RNF122: variants seen among roughly 807,000 people sequenced by gnomAD.
RNF122 encodes ring finger protein 122.
A neutral mutation model predicts 24.2 loss-of-function variants in RNF122; 17 were observed. That is an observed-to-expected ratio of 0.70 (90% CI 0.48 to 1.06). The LOEUF (loss-of-function observed/expected upper bound fraction) is 1.06. RNF122 is among the 50% of genes least tolerant of loss of function. The pLI, the probability that RNF122 is intolerant of heterozygous loss-of-function variation, is 0.00. For missense variants in RNF122, 168 were observed against 198.1 expected, an observed-to-expected ratio of 0.85 and a Z score of 0.91; for synonymous variants, 65 against 71.8, an observed-to-expected ratio of 0.91 and a Z score of 0.48.
chr8:33,563,092 G>A (rs114075757), intron 1 of RNF122, among the ~76,000 whole-genome samples: 1,704 of 145,734 alleles, frequency 0.012, 28 homozygotes, highest in African/African-American at 0.042. Flanking sequence ...CAGCCTGGGC[G>A]ACAGAGTGAG....
chr8:33,557,711 C>T (rs951939986), intron 2 of RNF122, among the ~76,000 whole-genome samples: 5 of 152,044 alleles, frequency 3.3e-5, no homozygotes, highest in African/African-American at 7.2e-5. Context: ...TAAGAGAAAG[C>T]GTTCCTGGAG....
At position 33,550,892 on chromosome 8, in the gene RNF122, C is replaced by G. The variant is rs1462334082; in HGVS notation, c.270+152G>C. 4 of 733,006 alleles carry G rather than the reference C, an allele frequency of 5.5e-6. No individual in the cohort carries two copies. The African/African-American group carries it at 7.0e-5, about 13-fold the overall frequency. 45.4% of individuals were successfully genotyped at this position (733,006 alleles called of 1,614,324 possible). On this transcript the variant is annotated intron_variant, in intron 4 of 5. Coordinates refer to ENST00000256257, the MANE Select transcript of RNF122 (RefSeq NM_024787.3). Reference sequence around the variant, plus strand: ...TGTAATCAATTCCACATATTAATTACTTGCTGAGATGTGTCTCCATTATTT... The same window carrying G: ...TGTAATCAATTCCACATATTAATTAGTTGCTGAGATGTGTCTCCATTATTT...
In RNF122 at chr8:33,548,644, G is replaced by A. The variant is rs1172548601; in HGVS notation, c.*109C>T. 6.8e-6 allele frequency: 5 copies of A among 738,334 alleles called. No individual in the cohort carries two copies. The highest frequency in any genetic ancestry group is 1.7e-5 in the African/African-American group (1 of 57,996). 45.7% of individuals were successfully genotyped at this position (738,334 alleles called of 1,614,324 possible). A position where few individuals can be genotyped will look rare whatever the true frequency, so the allele number is the denominator to read the frequency against. Reference sequence around the variant, plus strand: ...GTCCTAGACCACCCTTCTCATCACTGGGAAAGTGATCGTCATCACCCTACA... The same window carrying A: ...GTCCTAGACCACCCTTCTCATCACTAGGAAAGTGATCGTCATCACCCTACA... On this transcript the variant is annotated 3_prime_UTR_variant, in exon 6 of 6. Coordinates refer to ENST00000256257, the MANE Select transcript of RNF122 (RefSeq NM_024787.3).
chr8:33,555,926 G>C (rs1359175789), intron 2 of RNF122, among the ~76,000 whole-genome samples: 1 of 152,168 alleles, frequency 6.6e-6, no homozygotes, highest in Non-Finnish European at 1.5e-5. Context: ...CCAGCACTTT[G>C]GGAGGCTGAG....
chr8:33,555,431 G>A (rs1563369079), intron 2 of RNF122, among the ~76,000 whole-genome samples: 2 of 152,148 alleles, frequency 1.3e-5, no homozygotes, highest in African/African-American at 4.8e-5. Flanking sequence ...TCGAACTCCT[G>A]ACCTCAGGTG....
intron 1 of RNF122, among the ~76,000 whole-genome samples, chr8:33,565,246 A>G (rs1810604603): frequency 6.6e-6 from 1 of 152,258 alleles, no homozygotes; most frequent in Admixed American, 6.5e-5. Context: ...TTTTCAGGAA[A>G]TGAGATCCGA....
At chr8:33,558,164 G>C (rs1416726602) in intron 2 of RNF122, among the ~76,000 whole-genome samples, 1 of 152,068 alleles carries the variant, frequency 6.6e-6, no homozygotes, top group Non-Finnish European at 1.5e-5. Context: ...CTAGACACCG[G>C]CTTGCTTCCT....
Position 33,558,684 on chromosome 8 carries a change from T to C in RNF122, c.113A>G (p.Tyr38Cys), listed in dbSNP as rs1452396640. Residue 38 changes from tyrosine (Y) to cysteine (C), a missense_variant, in exon 2 of 6, where the codon TAT becomes TGT. By Grantham distance (194) the Tyr-to-Cys change is radical. Coordinates refer to ENST00000256257, the MANE Select transcript of RNF122 (RefSeq NM_024787.3). ...GATGCCTGTGCCGAAGATGACCATA[T>C]AGATGTTGAGCGGAAGGTCCTGGAA... ...ISFQDLPLNI[Y>C]MVIFGTGIFV... is the part of the protein sequence containing the mutation. 3 of 1,612,240 alleles carry C rather than the reference T, an allele frequency of 1.9e-6. No homozygotes were observed. Among genetic ancestry groups the C allele is most frequent in the African/African-American group, 1.3e-5 (1 of 74,962 alleles).
At chr8:33,564,896 A>T (rs1016117604) in intron 1 of RNF122, among the ~76,000 whole-genome samples, 3 of 151,992 alleles carry the variant, frequency 2.0e-5, no homozygotes, top group Non-Finnish European at 2.9e-5. Context: ...ATAAAAAATA[A>T]AAAAAATAAA....
intron 2 of RNF122, among the ~76,000 whole-genome samples, chr8:33,553,738 G>T (rs1287728989): frequency 6.6e-6 from 1 of 152,202 alleles, no homozygotes; most frequent in South Asian, 2.1e-4. Context: ...GGCAGAAGAT[G>T]GGGGCACAGC....
At chr8:33,564,044 G>C (rs892232071) in intron 1 of RNF122, among the ~76,000 whole-genome samples, 1 of 152,120 alleles carries the variant, frequency 6.6e-6, no homozygotes, top group Non-Finnish European at 1.5e-5. Context: ...AAGAGGAGAT[G>C]GTTCATTTGC....
chr8:33,566,130 G>T (rs895239398), intron 1 of RNF122, among the ~76,000 whole-genome samples: 1 of 152,188 alleles, frequency 6.6e-6, no homozygotes, highest in African/African-American at 2.4e-5. Context: ...TGGGATTACA[G>T]GCGTGAGCCA....
At chr8:33,556,277 G>C (rs534186155) in intron 2 of RNF122, among the ~76,000 whole-genome samples, 1 of 151,338 alleles carries the variant, frequency 6.6e-6, no homozygotes, top group African/African-American at 2.4e-5. Context: ...CTAGCCTAGA[G>C]TAGTTTTCTC....
chr8:33,557,806 G>A (rs984317618), intron 2 of RNF122, among the ~76,000 whole-genome samples: 1 of 151,828 alleles, frequency 6.6e-6, no homozygotes, highest in Admixed American at 6.6e-5. Context: ...GTTTGTTTTG[G>A]TTTTTTCCAC....
intron 4 of RNF122, 53 bp downstream of exon 4, chr8:33,550,991 G>C (rs578204637): frequency 6.4e-7 from 1 of 1,560,608 alleles, no homozygotes; most frequent in South Asian, 1.1e-5. Context: ...GGAGCAAGGT[G>C]CTGTCTGCCT....
chr8:33,566,435 A>T (rs1451775109), intron 1 of RNF122, among the ~76,000 whole-genome samples: 1 of 152,212 alleles, frequency 6.6e-6, no homozygotes, highest in Non-Finnish European at 1.5e-5. Flanking sequence ...GCCGCCACAC[A>T]AAGGCCGGGA....
At position 33,556,658 on chromosome 8, in the gene RNF122, A is replaced by G. The variant is rs76298398; in HGVS notation, c.182+1957T>C. Among the ~76,000 whole-genome samples the G allele has an allele frequency of 4.2e-3, 633 of 152,294 alleles. 2 individuals are homozygous for G. Among genetic ancestry groups the G allele is most frequent in the Non-Finnish European group, 6.2e-3 (424 of 68,020 alleles). On this transcript the variant is annotated intron_variant, in intron 2 of 5. Transcript: ENST00000256257. ...TTGGTGGTCAGGAAGAATTCAAGGA[A>G]AAAAACAGGCTTCAGGAAAGGGGAG...
chr8:33,555,877 G>A (rs1810443802), intron 2 of RNF122, among the ~76,000 whole-genome samples: 1 of 152,166 alleles, frequency 6.6e-6, no homozygotes, highest in African/African-American at 2.4e-5. Context: ...TTGGTAAAGA[G>A]TGGCTAAAGG....
At chr8:33,550,883 T>C (rs1258739380) in intron 4 of RNF122, among the ~76,000 whole-genome samples, 161 bp downstream of exon 4, 3 of 152,088 alleles carry the variant, frequency 2.0e-5, no homozygotes, top group Non-Finnish European at 4.4e-5. Context: ...CAATTCCACA[T>C]ATTAATTACT....
Sources: gnomAD v4.1 joint callset for allele counts (sites outside exome capture counted in the v4.1 genomes callset) on GRCh38, gnomAD v4.1.1 for gene constraint, MANE v1.5 for transcripts, NCBI Gene and HGNC (gene_info 2026-07-23, HGNC 2026-07-21) for gene names.